AGPS: variants seen among roughly 807,000 people sequenced by gnomAD.
The protein encoded by AGPS is alkylglycerone phosphate synthase, also known as alkyldihydroxyacetonephosphate synthase, peroxisomal.
Under a neutral mutation model 90.7 loss-of-function variants are expected in AGPS, and 26 were observed. That is an observed-to-expected ratio of 0.29 (90% CI 0.21 to 0.40). The LOEUF (loss-of-function observed/expected upper bound fraction) is 0.40. Among genes scored for constraint, AGPS ranks in the 10% least tolerant of loss-of-function variants. AGPS has a pLI of 1.00. For synonymous variants in AGPS, 294 were observed against 285.3 expected, an observed-to-expected ratio of 1.03 and a Z score of -0.31; for missense variants, 540 against 816.1, an observed-to-expected ratio of 0.66 and a Z score of 4.12.
intron 12 of AGPS, among the ~76,000 whole-genome samples, chr2:177,497,465 G>A (rs1317539673): frequency 1.3e-5 from 2 of 151,798 alleles, no homozygotes; most frequent in Non-Finnish European, 2.9e-5. Flanking sequence ...AATGGGTTTT[G>A]TAAATAAAAA....
chr2:177,493,288 A>C lies in AGPS; in HGVS notation c.1285+89A>C, dbSNP rs1688320747. ...GAAGAGTACGGAGTGCAGAGGTAGA[A>C]AGAACGTCAGTCTTGCCTTTCAGGA... On this transcript the variant is annotated intron_variant, in intron 12 of 19. Transcript: ENST00000264167. 9.6e-6 allele frequency: 11 copies of C among 1,147,000 alleles called. No homozygotes were observed. In the South Asian group the frequency reaches 1.4e-4, roughly 14 times the overall value. 71.1% of individuals were successfully genotyped at this position (1,147,000 alleles called of 1,614,324 possible). A position where few individuals can be genotyped will look rare whatever the true frequency, so the allele number is the denominator to read the frequency against.
At chr2:177,529,429 C>A (rs1172048605) in intron 19 of AGPS, among the ~76,000 whole-genome samples, 1 of 152,058 alleles carries the variant, frequency 6.6e-6, no homozygotes, top group South Asian at 2.1e-4. Flanking sequence ...GGCATCGCAC[C>A]ACTGCACTCC....
chr2:177,521,888 A>G (rs1689205754), intron 18 of AGPS, among the ~76,000 whole-genome samples: 1 of 152,194 alleles, frequency 6.6e-6, no homozygotes, highest in African/African-American at 2.4e-5. Flanking sequence ...TTGATAACCA[A>G]TATTTCTCCT....
intron 16 of AGPS, among the ~76,000 whole-genome samples, chr2:177,512,516 T>C (rs558494378): frequency 6.6e-6 from 1 of 152,326 alleles, no homozygotes; most frequent in African/African-American, 2.4e-5. Context: ...GGATAACTTT[T>C]ATAAAGTATG....
chr2:177,502,007 G>A (rs2105714370), intron 14 of AGPS, among the ~76,000 whole-genome samples: 1 of 152,232 alleles, frequency 6.6e-6, no homozygotes, highest in South Asian at 2.1e-4. Context: ...TGCCAGTTTT[G>A]TTTTCTTATA....
chr2:177,491,770 C>T (rs931265785), intron 11 of AGPS, among the ~76,000 whole-genome samples: 1 of 122,322 alleles, frequency 8.2e-6, no homozygotes, highest in Non-Finnish European at 1.7e-5. Context: ...TCCCCCCCCC[C>T]CCCTTTTTTT....
chr2:177,534,760 A>AT lies in AGPS; in HGVS notation c.1856-3307dup, dbSNP rs1273157663. ...TGCCGCCACATCCAGCTTATTTTTT[A>AT]TTTTTTTATTTTTATTTTTTTAGAA... On this transcript the variant is annotated intron_variant, in intron 19 of 19. Transcript: ENST00000264167. Among the ~76,000 whole-genome samples, 7 of 150,526 alleles carry AT rather than the reference A, an allele frequency of 4.7e-5. No homozygotes were observed. The South Asian group carries it at 1.3e-3, about 27-fold the overall frequency.
In AGPS at chr2:177,412,363, C is replaced by T. The variant is rs141074887; in HGVS notation, c.261-7906C>T. Among the ~76,000 whole-genome samples the T allele has an allele frequency of 3.0e-3, 449 of 152,160 alleles. 2 individuals carry two copies. Among genetic ancestry groups the T allele is most frequent in the African/African-American group, 0.01 (427 of 41,494 alleles). ...ACCGGCTAATGCTGGGAGTTCGGGACGACAGCTTTCTGCCTCTAGTTGGCC... is the reference window on the plus strand; with the variant it reads ...ACCGGCTAATGCTGGGAGTTCGGGATGACAGCTTTCTGCCTCTAGTTGGCC... On this transcript the variant is annotated intron_variant, in intron 1 of 19. Coordinates refer to ENST00000264167, the MANE Select transcript of AGPS (RefSeq NM_003659.4).
rs761606701 is a variant in AGPS at position 177,393,059 on chromosome 2, G to A, written c.260+10G>A. 7.7e-6 allele frequency: 12 copies of A among 1,550,240 alleles called. No homozygotes were observed. Among genetic ancestry groups the A allele is most frequent in the Non-Finnish European group, 1.0e-5 (12 of 1,146,796 alleles). ...CCATCCCAAAGAAGCGGTGAGTAGC[G>A]GTATGTGGAAGGAGTTAGCGTCGAG... On this transcript the variant is annotated intron_variant, in intron 1 of 19. Transcript: ENST00000264167.
chr2:177,532,864 GA>G (rs2105742763), intron 19 of AGPS, among the ~76,000 whole-genome samples: 1 of 152,240 alleles, frequency 6.6e-6, no homozygotes. Context: ...TATGTTAAGT[GA>G]ATAAAATCCA....
intron 1 of AGPS, among the ~76,000 whole-genome samples, chr2:177,414,524 T>G (rs764859834): frequency 1.2e-4 from 19 of 152,190 alleles, no homozygotes; most frequent in Non-Finnish European, 2.4e-4. Flanking sequence ...TTTAGAGTGC[T>G]AGTTTCTTGT....
intron 19 of AGPS, among the ~76,000 whole-genome samples, chr2:177,529,960 T>C (rs189872631): frequency 3.3e-5 from 5 of 152,372 alleles, no homozygotes; most frequent in African/African-American, 1.2e-4. Flanking sequence ...TGTTAATCTA[T>C]GTAAAACATC....
chr2:177,497,593 C>A, intron 12 of AGPS, 96 bp from the exon 13 acceptor site: 1 of 563,344 alleles, frequency 1.8e-6, no homozygotes, highest in Non-Finnish European at 3.0e-6. Context: ...GTTGTGAAAA[C>A]TTTTACTTTC....
chr2:177,392,817 G>GGGA lies in AGPS; in HGVS notation c.29_31dup (p.Gly10_Thr11insArg). ...GGCGGAGGCGGCGGCTGCAGCGGGT[G>GGGA]GGACTGGCTTGGGCGCGGGCGCGAG... On this transcript the variant is annotated inframe_insertion, in exon 1 of 20. Coordinates refer to ENST00000264167, the MANE Select transcript of AGPS (RefSeq NM_003659.4). The GGGA allele has an allele frequency of 6.5e-7, 1 of 1,541,990 alleles. No homozygotes were observed. The highest frequency in any genetic ancestry group is 8.7e-7 in the Non-Finnish European group (1 of 1,153,062).
chr2:177,531,558 G>A (rs6744488), intron 19 of AGPS, among the ~76,000 whole-genome samples: 131,188 of 152,112 alleles, frequency 0.86, 56,778 homozygotes, highest in East Asian at 0.95. Flanking sequence ...ACATAGTAAA[G>A]CTGTCAGTTC....
intron 19 of AGPS, among the ~76,000 whole-genome samples, chr2:177,525,101 A>G (rs960796270): frequency 6.6e-6 from 1 of 152,132 alleles, no homozygotes; most frequent in Non-Finnish European, 1.5e-5. Flanking sequence ...GAATGCTAGC[A>G]TAACAAAAAT....
chr2:177,411,536 A>G (rs915671138), intron 1 of AGPS, among the ~76,000 whole-genome samples: 6 of 152,152 alleles, frequency 3.9e-5, no homozygotes, highest in African/African-American at 1.4e-4. Flanking sequence ...TTGTCATCCT[A>G]TCATTGACCT....
chr2:177,413,115 A>G (rs1685670833), intron 1 of AGPS, among the ~76,000 whole-genome samples: 1 of 152,166 alleles, frequency 6.6e-6, no homozygotes, highest in African/African-American at 2.4e-5. Flanking sequence ...ATAGAGTGAA[A>G]ACGGAGCTCC....
At chr2:177,487,184 G>A (rs1053867175) in intron 11 of AGPS, among the ~76,000 whole-genome samples, 1 of 152,126 alleles carries the variant, frequency 6.6e-6, no homozygotes, top group African/African-American at 2.4e-5. Flanking sequence ...AGTTTCTGAA[G>A]CTTGGGTTTT....
Sources: allele counts gnomAD v4.1 joint callset (sites outside exome capture counted in the v4.1 genomes callset), GRCh38; gene constraint gnomAD v4.1.1; transcripts MANE v1.5; gene names NCBI Gene and HGNC (gene_info 2026-07-23, HGNC 2026-07-21).